Variants in PCDHAC2 observed in about 807,000 individuals in gnomAD.
PCDHAC2 encodes protocadherin alpha-C2.
PCDHAC2 carries 24 observed loss-of-function variants against 63.3 expected under a neutral mutation model. The ratio of observed to expected loss-of-function variants is 0.38; its 90% CI spans 0.27 to 0.53. The LOEUF is 0.53. Among genes scored for constraint, PCDHAC2 ranks in the 20% least tolerant of loss-of-function variants. The pLI, the probability that PCDHAC2 is intolerant of heterozygous loss-of-function variation, is 0.81. For synonymous variants in PCDHAC2, 569 were observed against 529.4 expected (o/e 1.07, Z -1.03); for missense variants, 1,181 against 1,275.2 (o/e 0.93, Z 1.12).
In PCDHAC2 at chr5:140,966,790, T is replaced by C; in HGVS notation, c.24T>C (p.Pro8=). ...CTATGGAGCAGGCGGGCACCAGACC[T>C]GCGGCGACAGAGCATCCACGGCTCC... MEQAGTR[P]AATEHPRLRR... is the part of the protein sequence containing the mutation. The change falls in exon 1 of 4, where the codon CCT becomes CCC. Residue 8 remains proline (P), a synonymous_variant. Transcript: ENST00000289269. 1 of 1,529,556 alleles carries C rather than the reference T, an allele frequency of 6.5e-7. No homozygotes were observed. Among genetic ancestry groups the C allele is most frequent in the Non-Finnish European group, 8.8e-7 (1 of 1,141,118 alleles). 94.7% of individuals were successfully genotyped at this position (1,529,556 alleles called of 1,614,324 possible). A position where few individuals can be genotyped will look rare whatever the true frequency, so the allele number is the denominator to read the frequency against.
intron 3 of PCDHAC2, among the ~76,000 whole-genome samples, chr5:140,995,404 A>G (rs941348184): frequency 1.3e-5 from 2 of 152,184 alleles, no homozygotes; most frequent in Admixed American, 6.5e-5. Flanking sequence ...ATGGCTCGAG[A>G]TTTCATCACA....
At position 141,010,550 on chromosome 5, in the gene PCDHAC2, ACCCC is replaced by A; in HGVS notation, c.*615_*618del. 6.3e-6 allele frequency: 2 copies of A among 316,712 alleles called. No homozygotes were observed. Among genetic ancestry groups the A allele is most frequent in the South Asian group, 1.1e-4 (2 of 17,516 alleles). The allele number at this position is 316,712 out of a possible 1,614,324, so 19.6% of individuals were successfully genotyped here. A position where few individuals can be genotyped will look rare whatever the true frequency, so the allele number is the denominator to read the frequency against. On this transcript the variant is annotated 3_prime_UTR_variant, in exon 4 of 4. Coordinates refer to ENST00000289269, the MANE Select transcript of PCDHAC2 (RefSeq NM_018899.6). ...CAGCCACCCTCTAGGAGACAAAACT[ACCCC>A]CACTGACAAGGCTTTAGGAGACCCT...
At chr5:140,970,762 A>C (rs2096431667) in intron 1 of PCDHAC2, among the ~76,000 whole-genome samples, 1 of 152,198 alleles carries the variant, frequency 6.6e-6, no homozygotes, top group Admixed American at 6.5e-5. Context: ...TCATTGACAT[A>C]TTGCTGTACA....
At chr5:140,997,097 T>G (rs1222829529) in intron 3 of PCDHAC2, among the ~76,000 whole-genome samples, 10 of 152,156 alleles carry the variant, frequency 6.6e-5, no homozygotes, top group Admixed American at 5.2e-4. Context: ...TGCAGAGTTC[T>G]CATGCACTCC....
In PCDHAC2 at chr5:140,968,996, G is replaced by A; in HGVS notation, c.2230G>A (p.Gly744Ser). The A allele has an allele frequency of 6.2e-7, 1 of 1,614,202 alleles. No homozygotes were observed. Among genetic ancestry groups the A allele is most frequent in the Non-Finnish European group, 8.5e-7 (1 of 1,180,046 alleles). The change falls in exon 1 of 4, where the codon GGC becomes AGC. Residue 744 changes from glycine (G) to serine (S), a missense_variant. Transcript: ENST00000289269. Reference sequence around the variant, plus strand: ...TGCGTATGGCACTGCATGCTGTGGAGGCTTCTGTGGAGTAAGGGAAAGGTC... The same window carrying A: ...TGCGTATGGCACTGCATGCTGTGGAAGCTTCTGTGGAGTAAGGGAAAGGTC... ...YTAYGTACCG[G>S]FCGVRERSPA...
In PCDHAC2 at chr5:140,967,128, T is replaced by G; in HGVS notation, c.362T>G (p.Leu121Trp). The change falls in exon 1 of 4, where the codon TTG (leucine) becomes TGG (tryptophan). Residue 121 changes from leucine to tryptophan, a missense_variant. Leu to Trp is a moderately conservative substitution (Grantham distance 61, BLOSUM62 -2). This residue lies in a region of PCDHAC2 where 210 missense variants were observed against 184.9 expected (regional missense o/e 1.14). Coordinates refer to ENST00000289269, the MANE Select transcript of PCDHAC2 (RefSeq NM_018899.6). ...CAGCGGCCTCGCTGCCTGCTCAGCTTGGAAGTGCTGGCGCACAACCCCGTG... is the reference window on the plus strand; with the variant it reads ...CAGCGGCCTCGCTGCCTGCTCAGCTGGGAAGTGCTGGCGCACAACCCCGTG... ...CEQRPRCLLS[L>W]EVLAHNPVAV... The G allele has an allele frequency of 8.7e-6, 14 of 1,612,170 alleles. No homozygotes were observed. The highest frequency in any genetic ancestry group is 1.1e-5 in the Non-Finnish European group (13 of 1,178,816).
rs2098422568 is a variant in PCDHAC2 at position 141,011,988 on chromosome 5, C to A, written c.*2051C>A. ...AAACTGTCTTGTCTACTTTTAGCTTCATTCTCCCATATTTTGAAGGGTGTG... is the reference window on the plus strand; with the variant it reads ...AAACTGTCTTGTCTACTTTTAGCTTAATTCTCCCATATTTTGAAGGGTGTG... On this transcript the variant is annotated 3_prime_UTR_variant, in exon 4 of 4. Coordinates refer to ENST00000289269, the MANE Select transcript of PCDHAC2 (RefSeq NM_018899.6). 6.5e-6 allele frequency: 1 copy of A among 153,688 alleles called. No individual in the cohort carries two copies. The highest frequency in any genetic ancestry group is 2.4e-5 in the African/African-American group (1 of 41,434). 9.5% of individuals were successfully genotyped at this position (153,688 alleles called of 1,614,324 possible). A position where few individuals can be genotyped will look rare whatever the true frequency, so the allele number is the denominator to read the frequency against.
chr5:140,995,286 C>T (rs571122259), intron 3 of PCDHAC2, among the ~76,000 whole-genome samples: 18 of 152,182 alleles, frequency 1.2e-4, no homozygotes, highest in African/African-American at 3.4e-4. Context: ...CCAAAACAGC[C>T]AGTCGGATAC....
intron 3 of PCDHAC2, among the ~76,000 whole-genome samples, chr5:140,993,888 G>A (rs1196429613): frequency 6.6e-6 from 1 of 152,140 alleles, no homozygotes; most frequent in African/African-American, 2.4e-5. Flanking sequence ...GCTCTATGAT[G>A]TCCATACAAC....
At chr5:140,972,353 T>C (rs571045648) in intron 1 of PCDHAC2, among the ~76,000 whole-genome samples, 5 of 152,058 alleles carry the variant, frequency 3.3e-5, no homozygotes, top group South Asian at 2.1e-4. Flanking sequence ...TCTCACTATG[T>C]TGCACATGCT....
Position 140,967,862 on chromosome 5 carries a change from G to T in PCDHAC2, c.1096G>T (p.Val366Leu), listed in dbSNP as rs781878230. Residue 366 changes from valine (V) to leucine (L), a missense_variant, in exon 1 of 4, where the codon GTG becomes TTG. Val to Leu is a conservative substitution (Grantham distance 32). Transcript: ENST00000289269. ...CGTGAATGACAATGCCCCAGAGGTG[G>T]TGCTCACGGACCTGTATAGCCCAGT... ...VDVNDNAPEVVLTDLYSPVPE... is the reference protein window; with the variant it reads ...VDVNDNAPEVLLTDLYSPVPE... The T allele has an allele frequency of 8.1e-6, 13 of 1,614,170 alleles. No individual in the cohort carries two copies. The East Asian group carries it at 2.5e-4, about 30-fold the overall frequency.
Position 140,966,699 on chromosome 5 carries a change from C to A in PCDHAC2, c.-68C>A. ...GGCACGAGCGGAGGCGGGGCCCGGG[C>A]GTGGGGCACGGCTGGGGAAGCTGCC... On this transcript the variant is annotated 5_prime_UTR_variant, in exon 1 of 4. Coordinates refer to ENST00000289269, the MANE Select transcript of PCDHAC2 (RefSeq NM_018899.6). 1 of 1,361,588 alleles carries A rather than the reference C, an allele frequency of 7.3e-7. No individual in the cohort carries two copies. The highest frequency in any genetic ancestry group is 9.4e-7 in the Non-Finnish European group (1 of 1,058,910). The allele number at this position is 1,361,588 out of a possible 1,614,324, so 84.3% of individuals were successfully genotyped here. A position where few individuals can be genotyped will look rare whatever the true frequency, so the allele number is the denominator to read the frequency against.
At chr5:140,982,318 G>A (rs2096977750) in intron 2 of PCDHAC2, 157 bp from the exon 3 acceptor site, 3 of 1,356,910 alleles carry the variant, frequency 2.2e-6, no homozygotes, top group Non-Finnish European at 2.9e-6. Context: ...AGTTTATGCA[G>A]GGTGACTGCT....
chr5:140,994,318 C>G (rs782231160), intron 3 of PCDHAC2, among the ~76,000 whole-genome samples: 18 of 152,300 alleles, frequency 1.2e-4, no homozygotes, highest in Non-Finnish European at 1.6e-4. Context: ...CCCAAACACT[C>G]TCAGCAACCA....
At chr5:140,979,051 G>C in intron 2 of PCDHAC2, 44 bp downstream of exon 2, 1 of 1,609,534 alleles carries the variant, frequency 6.2e-7, no homozygotes, top group East Asian at 2.2e-5. Flanking sequence ...ACCTTAACTT[G>C]GTATGGCTCA....
chr5:140,988,642 T>C (rs981488031), intron 3 of PCDHAC2, among the ~76,000 whole-genome samples: 22 of 152,212 alleles, frequency 1.4e-4, no homozygotes, highest in African/African-American at 5.3e-4. Context: ...TTTCTGAAAT[T>C]AAACATTTTT....
At chr5:140,981,458 C>T (rs1465511355) in intron 2 of PCDHAC2, among the ~76,000 whole-genome samples, 5 of 152,134 alleles carry the variant, frequency 3.3e-5, no homozygotes, top group African/African-American at 4.8e-5. Flanking sequence ...CCTGTAGTCC[C>T]AGCTACTTGG....
chr5:141,005,701 CAAAAAAAAA>C (rs59860837), intron 3 of PCDHAC2, among the ~76,000 whole-genome samples: 2 of 7,784 alleles, frequency 2.6e-4, no homozygotes, highest in African/African-American at 4.7e-4. Context: ...AACTCCGTCT[CAAAAAAAAA>C]AAAAAAAAAA....
At chr5:140,981,457 C>T (rs910127197) in intron 2 of PCDHAC2, among the ~76,000 whole-genome samples, 6 of 152,064 alleles carry the variant, frequency 3.9e-5, no homozygotes, top group African/African-American at 7.2e-5. Context: ...GCCTGTAGTC[C>T]CAGCTACTTG....
Sources: gnomAD v4.1 joint callset for allele counts (sites outside exome capture counted in the v4.1 genomes callset) on GRCh38, gnomAD v4.1.1 for gene constraint, gnomAD v4.1.1 regional missense constraint, MANE v1.5 for transcripts, NCBI Gene and HGNC (gene_info 2026-07-23, HGNC 2026-07-21) for gene names.